Variants in SEMA6D observed in about 807,000 individuals in gnomAD.
The protein encoded by SEMA6D is semaphorin 6D, also known as semaphorin-6D.
A neutral mutation model predicts 106.6 loss-of-function variants in SEMA6D; 35 were observed. The ratio of observed to expected loss-of-function variants is 0.33; its 90% CI spans 0.25 to 0.44. The LOEUF (loss-of-function observed/expected upper bound fraction) is 0.44, where lower values mean the gene tolerates loss of function less well. Ranked by LOEUF, SEMA6D falls within the 20% of genes least tolerant of loss-of-function variation. The probability of loss-of-function intolerance (pLI) is 1.00; values close to 1 mark genes in which losing one functional copy is unlikely to be tolerated. For missense variants in SEMA6D, 1,185 were observed against 1,345.9 expected (o/e 0.88, Z 1.87); for synonymous variants, 499 against 487.7 (o/e 1.02, Z -0.31).
chr15:47,245,216 C>G (rs1311708274), intron 1 of SEMA6D, among the ~76,000 whole-genome samples: 1 of 152,046 alleles, frequency 6.6e-6, no homozygotes, highest in Admixed American at 6.6e-5. Context: ...GGTATATACT[C>G]AATAATTGGG....
chr15:47,527,848 G>A (rs1345280089), intron 3 of SEMA6D: 1 of 152,052 alleles, frequency 6.6e-6, no homozygotes, highest in Non-Finnish European at 1.5e-5. Context: ...ACCCCCAGCA[G>A]GTCTGAAAAT....
chr15:47,576,437 G>T (rs1315990061), intron 3 of SEMA6D, among the ~76,000 whole-genome samples: 1 of 152,162 alleles, frequency 6.6e-6, no homozygotes, highest in Non-Finnish European at 1.5e-5. Flanking sequence ...GACAGGTGGG[G>T]TGGTCTGATC....
At chr15:47,186,970 T>C (rs1566913135) in intron 1 of SEMA6D, among the ~76,000 whole-genome samples, 1 of 152,150 alleles carries the variant, frequency 6.6e-6, no homozygotes, top group Non-Finnish European at 1.5e-5. Flanking sequence ...TTAAAATATG[T>C]TGAAAAAGGT....
chr15:47,249,360 A>AT (rs2033379708), intron 1 of SEMA6D, among the ~76,000 whole-genome samples: 1 of 152,134 alleles, frequency 6.6e-6, no homozygotes, highest in South Asian at 2.1e-4. Context: ...TTAAATATTC[A>AT]TGAGTGCCTA....
intron 1 of SEMA6D, among the ~76,000 whole-genome samples, chr15:47,214,812 G>A (rs1285895538): frequency 6.6e-6 from 1 of 152,156 alleles, no homozygotes; most frequent in East Asian, 1.9e-4. Context: ...GTACTTACCA[G>A]TTTTCTTAGG....
intron 1 of SEMA6D, among the ~76,000 whole-genome samples, chr15:47,724,660 C>T (rs557984347): frequency 6.6e-6 from 1 of 152,194 alleles, no homozygotes; most frequent in African/African-American, 2.4e-5. Context: ...GGGTGAGGGT[C>T]TAGATCAGTT....
chr15:47,560,313 AAAAG>A (rs138486209), intron 3 of SEMA6D, among the ~76,000 whole-genome samples: 3,183 of 152,204 alleles, frequency 0.021, 98 homozygotes, highest in African/African-American at 0.074. Flanking sequence ...TTAAAGAACA[AAAAG>A]AAAGCATAAT....
At chr15:47,759,557 C>T (rs1035406913) in intron 1 of SEMA6D, among the ~76,000 whole-genome samples, 188 bp from the exon 2 acceptor site, 7 of 152,174 alleles carry the variant, frequency 4.6e-5, no homozygotes, top group African/African-American at 2.4e-5. Context: ...CAACCAGATG[C>T]TTTAATCAGG....
intron 2 of SEMA6D, among the ~76,000 whole-genome samples, chr15:47,430,952 T>C (rs1420333035): frequency 2.0e-5 from 3 of 152,150 alleles, no homozygotes; most frequent in Non-Finnish European, 4.4e-5. Flanking sequence ...CGGAGTTCTT[T>C]TGTGAGGCAA....
At chr15:47,606,081 CAT>C (rs993393397) in intron 4 of SEMA6D, among the ~76,000 whole-genome samples, 2 of 152,164 alleles carry the variant, frequency 1.3e-5, no homozygotes, top group African/African-American at 4.8e-5. Flanking sequence ...CATTAGAACA[CAT>C]ATGCTCCTAT....
intron 2 of SEMA6D, among the ~76,000 whole-genome samples, chr15:47,430,052 A>G (rs1394159769): frequency 6.6e-6 from 1 of 152,140 alleles, no homozygotes; most frequent in Non-Finnish European, 1.5e-5. Context: ...CTGATTCAGC[A>G]GTGATTCCCT....
intron 4 of SEMA6D, among the ~76,000 whole-genome samples, chr15:47,639,926 C>T (rs1261942759): frequency 6.6e-6 from 1 of 152,108 alleles, no homozygotes; most frequent in Admixed American, 6.6e-5. Context: ...TTTTCTGGAT[C>T]GGATCCTGGA....
chr15:47,667,086 C>T (rs1317590219), intron 4 of SEMA6D, among the ~76,000 whole-genome samples: 3 of 152,220 alleles, frequency 2.0e-5, no homozygotes, highest in African/African-American at 4.8e-5. Context: ...TCAGCCTCCA[C>T]GTCTTCCCTA....
chr15:47,365,810 G>A (rs529809463), intron 1 of SEMA6D, among the ~76,000 whole-genome samples: 20 of 150,414 alleles, frequency 1.3e-4, no homozygotes, highest in African/African-American at 3.2e-4. Flanking sequence ...GCAGTGAGCC[G>A]AGATCACGCC....
intron 1 of SEMA6D, among the ~76,000 whole-genome samples, chr15:47,324,973 G>T (rs1444775973): frequency 6.6e-6 from 1 of 151,982 alleles, no homozygotes; most frequent in Non-Finnish European, 1.5e-5. Flanking sequence ...TTAAAACCAT[G>T]TATATATTGG....
intron 3 of SEMA6D, among the ~76,000 whole-genome samples, chr15:47,600,352 A>G (rs1206193180): frequency 6.6e-6 from 1 of 152,120 alleles, no homozygotes; most frequent in Non-Finnish European, 1.5e-5. Context: ...GACTGAACCT[A>G]TTGGTAATGT....
chr15:47,201,830 A>G (rs934494014), intron 1 of SEMA6D, among the ~76,000 whole-genome samples: 2 of 152,114 alleles, frequency 1.3e-5, no homozygotes, highest in Non-Finnish European at 2.9e-5. Flanking sequence ...CTCTTATTCA[A>G]GATAATTTCT....
chr15:47,613,036 T>G (rs1454557253), intron 4 of SEMA6D, among the ~76,000 whole-genome samples: 1 of 152,228 alleles, frequency 6.6e-6, no homozygotes. Flanking sequence ...CATTAGACTT[T>G]ATTTTTCCAT....
chr15:47,217,056 C>CT (rs1371176773), intron 1 of SEMA6D, among the ~76,000 whole-genome samples: 17 of 151,858 alleles, frequency 1.1e-4, no homozygotes, highest in African/African-American at 3.6e-4. Context: ...CCTCTACAGT[C>CT]TAAGAGGCAG....
Sources: gnomAD v4.1 joint callset for allele counts (sites outside exome capture counted in the v4.1 genomes callset) on GRCh38, gnomAD v4.1.1 for gene constraint, MANE v1.5 for transcripts, NCBI Gene and HGNC (gene_info 2026-07-23, HGNC 2026-07-21) for gene names.